NCOA1: variants seen among roughly 807,000 people sequenced by gnomAD.
The protein encoded by NCOA1 is Hin-2 protein.
A neutral mutation model predicts 150.9 loss-of-function variants in NCOA1; 35 were observed. That is an observed-to-expected ratio of 0.23 (90% CI 0.18 to 0.31). The LOEUF is 0.31. Ranked by LOEUF, NCOA1 falls within the 10% of genes least tolerant of loss-of-function variation. NCOA1 has a pLI of 1.00. For synonymous variants in NCOA1, 590 were observed against 630.0 expected (o/e 0.94, Z 0.95); for missense variants, 1,491 against 1,749.3 (o/e 0.85, Z 2.63).
At chr2:24,680,044 A>G (rs191089544) in intron 7 of NCOA1, among the ~76,000 whole-genome samples, 2 of 152,284 alleles carry the variant, frequency 1.3e-5, no homozygotes, top group Admixed American at 1.3e-4. Context: ...AATCTTGTCC[A>G]TTCATCTGTT....
intron 1 of NCOA1, among the ~76,000 whole-genome samples, chr2:24,511,394 A>C (rs1663929034): frequency 6.6e-6 from 1 of 152,230 alleles, no homozygotes; most frequent in South Asian, 2.1e-4. Flanking sequence ...CATTCCCAGC[A>C]GCAGTGTATG....
At chr2:24,501,735 G>T (rs1208242446) in intron 1 of NCOA1, among the ~76,000 whole-genome samples, 1 of 152,162 alleles carries the variant, frequency 6.6e-6, no homozygotes, top group Non-Finnish European at 1.5e-5. Context: ...TAGGGGATCT[G>T]TAAGCACTCT....
chr2:24,570,947 AT>A lies in NCOA1; in HGVS notation c.-260+6520del, dbSNP rs1666720407. Among the ~76,000 whole-genome samples the A allele has an allele frequency of 2.0e-5, 3 of 152,234 alleles. No homozygotes were observed. In the South Asian group the frequency reaches 6.2e-4, roughly 32 times the overall value. On this transcript the variant is annotated intron_variant, in intron 2 of 22. Coordinates refer to ENST00000348332, the MANE Select transcript of NCOA1 (RefSeq NM_003743.5). ...TATTTGAGTCTAAATTTTAATAAAC[AT>A]TTATGAAATAGGGAAATTTTAACAC...
intron 1 of NCOA1, among the ~76,000 whole-genome samples, chr2:24,523,605 C>CAGA (rs1491533948): frequency 5.7e-5 from 1 of 17,694 alleles, no homozygotes; most frequent in Non-Finnish European, 1.3e-4. Flanking sequence ...GACTCCGTCT[C>CAGA]AAAAAAAAAA....
intron 3 of NCOA1, among the ~76,000 whole-genome samples, chr2:24,619,631 T>A (rs1011670046): frequency 2.0e-5 from 3 of 152,168 alleles, no homozygotes; most frequent in African/African-American, 7.2e-5. Context: ...TGGAGAAATA[T>A]GTTGTTTTTC....
At chr2:24,683,354 T>C (rs1189633238) in intron 8 of NCOA1, among the ~76,000 whole-genome samples, 2 of 152,170 alleles carry the variant, frequency 1.3e-5, no homozygotes, top group Admixed American at 6.5e-5. Flanking sequence ...TCCTTTATAC[T>C]GTGTGAATTG....
chr2:24,654,666 C>T (rs1477219277), intron 4 of NCOA1, among the ~76,000 whole-genome samples: 1 of 152,164 alleles, frequency 6.6e-6, no homozygotes, highest in Non-Finnish European at 1.5e-5. Flanking sequence ...GTGACTGCCT[C>T]AGTCACTGGG....
At position 24,691,323 on chromosome 2, in the gene NCOA1, T is replaced by C. The variant is rs17046475; in HGVS notation, c.533-158T>C. Among the ~76,000 whole-genome samples the C allele has an allele frequency of 1.8e-3, 270 of 152,336 alleles. 9 individuals carry two copies. The East Asian group carries it at 0.038, about 21-fold the overall frequency. On this transcript the variant is annotated intron_variant, in intron 8 of 22. Transcript: ENST00000348332. ...TTTAGATTTGCTAGGGAGATAAGTA[T>C]TCTATTGCCTCAGGATAATGTTAGA...
intron 3 of NCOA1, among the ~76,000 whole-genome samples, chr2:24,621,688 C>T (rs1418882862): frequency 1.3e-5 from 2 of 152,040 alleles, no homozygotes; most frequent in Non-Finnish European, 2.9e-5. Flanking sequence ...CCATGTTGGC[C>T]AGGCTGGTCT....
In NCOA1 at chr2:24,765,340, C is replaced by CA. The variant is rs375545013; in HGVS notation, c.4155+2573dup. On this transcript the variant is annotated intron_variant, in intron 22 of 22. Coordinates refer to ENST00000348332, the MANE Select transcript of NCOA1 (RefSeq NM_003743.5). ...AACACGGTGAAACCGTGTTAAAATA[C>CA]AAAAAAAAATTAGCCAGGCATGGTG... Among the ~76,000 whole-genome samples the CA allele has an allele frequency of 4.1e-4, 55 of 134,186 alleles. 1 individual carries two copies. The highest frequency in any genetic ancestry group is 7.2e-4 in the South Asian group (3 of 4,194). The allele number at this position is 134,186 out of a possible 152,430, so 88.0% of individuals were successfully genotyped here. A position where few individuals can be genotyped will look rare whatever the true frequency, so the allele number is the denominator to read the frequency against.
chr2:24,715,346 A>G, intron 14 of NCOA1, among the ~76,000 whole-genome samples: 1 of 152,190 alleles, frequency 6.6e-6, no homozygotes, highest in East Asian at 1.9e-4. Flanking sequence ...TAGAAGAAAA[A>G]TGTATGACAG....
chr2:24,577,341 T>A (rs962669549), intron 2 of NCOA1, among the ~76,000 whole-genome samples: 3 of 152,224 alleles, frequency 2.0e-5, no homozygotes, highest in African/African-American at 7.2e-5. Flanking sequence ...ATTTAATATA[T>A]TTTCATGAAA....
intron 3 of NCOA1, among the ~76,000 whole-genome samples, chr2:24,619,909 A>G (rs1572500474): frequency 6.6e-6 from 1 of 152,176 alleles, no homozygotes; most frequent in African/African-American, 2.4e-5. Flanking sequence ...AGCAAGATTT[A>G]CTTCCTATAA....
In NCOA1 at chr2:24,707,857, C is replaced by T; in HGVS notation, c.2387C>T (p.Pro796Leu). ...TNPTPMTKPT[P>L]EEIKLEAQSQ... The stretch of plus-strand genomic sequence containing the variant: ...CCAACCCCAATGACCAAACCCACTC[C>T]TGAGGAAATAAAACTGGAGGCCCAG... The change falls in exon 13 of 23, where the codon CCT becomes CTT. Residue 796 changes from proline to leucine, a missense_variant. Pro to Leu is a moderately conservative substitution (Grantham distance 98). This residue lies in a region of NCOA1 where 703 missense variants were observed against 717.7 expected (regional missense o/e 0.98). Coordinates refer to ENST00000348332, the MANE Select transcript of NCOA1 (RefSeq NM_003743.5). 6.3e-7 allele frequency: 1 copy of T among 1,598,870 alleles called. No individual in the cohort carries two copies. Among genetic ancestry groups the T allele is most frequent in the African/African-American group, 1.4e-5 (1 of 73,866 alleles).
At chr2:24,566,557 C>T (rs1024312816) in intron 2 of NCOA1, among the ~76,000 whole-genome samples, 2 of 152,124 alleles carry the variant, frequency 1.3e-5, no homozygotes, top group Non-Finnish European at 2.9e-5. Flanking sequence ...AGAAAAAGCA[C>T]TGTAAGTTTC....
intron 14 of NCOA1, among the ~76,000 whole-genome samples, chr2:24,721,905 G>A (rs769475507): frequency 1.3e-5 from 2 of 152,060 alleles, no homozygotes; most frequent in African/African-American, 2.4e-5. Context: ...GAAATTCTTC[G>A]TTGTTTTAGT....
intron 4 of NCOA1, 111 bp from the exon 5 acceptor site, chr2:24,658,550 A>G: frequency 2.9e-6 from 2 of 695,614 alleles, no homozygotes; most frequent in East Asian, 2.7e-5. Flanking sequence ...TTATCTATTC[A>G]TTGATATAGC....
chr2:24,531,720 C>T (rs529340900), intron 1 of NCOA1, among the ~76,000 whole-genome samples: 2 of 152,072 alleles, frequency 1.3e-5, no homozygotes, highest in Non-Finnish European at 2.9e-5. Flanking sequence ...GGTTTTCTGC[C>T]CATGTGATAG....
intron 1 of NCOA1, among the ~76,000 whole-genome samples, chr2:24,549,102 G>A (rs1382150652): frequency 2.0e-5 from 3 of 152,124 alleles, no homozygotes; most frequent in Non-Finnish European, 4.4e-5. Context: ...ACTTCTCTTT[G>A]GGCATCCAGG....
Sources: allele counts gnomAD v4.1 joint callset (sites outside exome capture counted in the v4.1 genomes callset), GRCh38; gene constraint gnomAD v4.1.1; regional missense constraint gnomAD v4.1.1; transcripts MANE v1.5; gene names NCBI Gene and HGNC (gene_info 2026-07-23, HGNC 2026-07-21).